The following ZNF804B variants were observed in gnomAD, a reference collection of about 807,000 sequenced individuals.
ZNF804B encodes the protein zinc finger protein 804B, also known as zinc finger 804B.
A neutral mutation model predicts 101.4 loss-of-function variants in ZNF804B; 80 were observed. The observed-to-expected ratio is 0.79, with a 90% CI of 0.66 to 0.95. The LOEUF is 0.95. Among genes scored for constraint, ZNF804B ranks in the 40% least tolerant of loss-of-function variants. The pLI, the probability that ZNF804B is intolerant of heterozygous loss-of-function variation, is 0.00. For missense variants in ZNF804B, 1,673 were observed against 1,561.9 expected, an observed-to-expected ratio of 1.07 and a Z score of -1.20; for synonymous variants, 622 against 558.8, an observed-to-expected ratio of 1.11 and a Z score of -1.59.
chr7:89,180,671 C>G (rs1788284778), intron 1 of ZNF804B, among the ~76,000 whole-genome samples: 1 of 151,782 alleles, frequency 6.6e-6, no homozygotes, highest in Admixed American at 6.6e-5. Flanking sequence ...TTACTCCTCT[C>G]CTTCCTCTGC....
intron 1 of ZNF804B, among the ~76,000 whole-genome samples, chr7:88,962,574 A>T (rs1370525315): frequency 6.6e-6 from 1 of 150,536 alleles, no homozygotes; most frequent in Non-Finnish European, 1.5e-5. Flanking sequence ...TATACCTAAG[A>T]ATTGGGGTCT....
intron 1 of ZNF804B, among the ~76,000 whole-genome samples, chr7:89,066,144 T>C (rs985949088): frequency 6.6e-6 from 1 of 152,172 alleles, no homozygotes; most frequent in African/African-American, 2.4e-5. Context: ...GTTTCAAGCA[T>C]TCAGGGTTCT....
intron 1 of ZNF804B, among the ~76,000 whole-genome samples, chr7:89,164,312 A>G (rs1279047195): frequency 6.6e-6 from 1 of 152,100 alleles, no homozygotes; most frequent in Non-Finnish European, 1.5e-5. Flanking sequence ...AGCCAATTGT[A>G]GTTATACATC....
intron 1 of ZNF804B, among the ~76,000 whole-genome samples, chr7:88,791,017 G>A (rs1790375436): frequency 6.6e-6 from 1 of 151,974 alleles, no homozygotes; most frequent in Admixed American, 6.6e-5. Flanking sequence ...CCCCTTAGAA[G>A]CATTGTCACG....
intron 1 of ZNF804B, among the ~76,000 whole-genome samples, chr7:89,200,793 C>G (rs1208160002): frequency 6.6e-6 from 1 of 151,988 alleles, no homozygotes; most frequent in Non-Finnish European, 1.5e-5. Flanking sequence ...CTGATTCTTT[C>G]CTCCATTCAT....
intron 1 of ZNF804B, among the ~76,000 whole-genome samples, chr7:89,095,997 A>T (rs999702927): frequency 1.0e-4 from 15 of 150,516 alleles, no homozygotes; most frequent in Non-Finnish European, 2.2e-4. Context: ...TAAAAATATA[A>T]AAAAAAAATT....
At chr7:89,164,293 A>C (rs779228985) in intron 1 of ZNF804B, among the ~76,000 whole-genome samples, 1 of 152,068 alleles carries the variant, frequency 6.6e-6, no homozygotes, top group Non-Finnish European at 1.5e-5. Flanking sequence ...TTTGAGAAAC[A>C]CTAAACTCAG....
chr7:89,266,527 G>A lies in ZNF804B; in HGVS notation c.249+48232G>A, dbSNP rs1217544473. On this transcript the variant is annotated intron_variant, in intron 2 of 3. Coordinates refer to ENST00000333190, the MANE Select transcript of ZNF804B (RefSeq NM_181646.5). ...TAAACTATAATATGATTTCCTGTAA[G>A]ATACAGTTTTTCATATAAAAACCAA... Among the ~76,000 whole-genome samples, 5 of 152,168 alleles carry A rather than the reference G, an allele frequency of 3.3e-5. No homozygotes were observed. In the East Asian group the frequency reaches 7.7e-4, roughly 24 times the overall value.
chr7:89,151,036 C>T (rs1055926580), intron 1 of ZNF804B, among the ~76,000 whole-genome samples: 1 of 152,076 alleles, frequency 6.6e-6, no homozygotes, highest in Non-Finnish European at 1.5e-5. Flanking sequence ...ATTAATAGTA[C>T]AGCTCCTATT....
chr7:89,182,119 A>G (rs1395262175), intron 1 of ZNF804B, among the ~76,000 whole-genome samples: 2 of 152,180 alleles, frequency 1.3e-5, no homozygotes, highest in African/African-American at 4.8e-5. Flanking sequence ...TTAAAGTGCT[A>G]TTACAAAGAG....
chr7:88,928,066 C>T (rs1792833201), intron 1 of ZNF804B, among the ~76,000 whole-genome samples: 1 of 152,088 alleles, frequency 6.6e-6, no homozygotes, highest in South Asian at 2.1e-4. Flanking sequence ...TACAGACAGC[C>T]TCCTTAACAT....
At chr7:88,945,083 CT>C (rs1414950332) in intron 1 of ZNF804B, among the ~76,000 whole-genome samples, 2 of 151,962 alleles carry the variant, frequency 1.3e-5, no homozygotes, top group Admixed American at 6.6e-5. Flanking sequence ...TGTGGAAGCT[CT>C]TTAGTTTAAT....
intron 1 of ZNF804B, among the ~76,000 whole-genome samples, chr7:89,089,274 T>C (rs1242088899): frequency 6.6e-6 from 1 of 152,092 alleles, no homozygotes; most frequent in Non-Finnish European, 1.5e-5. Flanking sequence ...ATTCTCTTGA[T>C]GTAACAAGAC....
At chr7:88,917,256 C>A (rs957399547) in intron 1 of ZNF804B, among the ~76,000 whole-genome samples, 17 of 151,920 alleles carry the variant, frequency 1.1e-4, no homozygotes, top group African/African-American at 4.1e-4. Context: ...CAGGATAAGA[C>A]TCTGTCTCAA....
At chr7:89,273,689 T>C (rs1033660966) in intron 2 of ZNF804B, among the ~76,000 whole-genome samples, 4 of 152,146 alleles carry the variant, frequency 2.6e-5, no homozygotes, top group Admixed American at 6.6e-5. Context: ...GTCTAGCACA[T>C]ATTAAGAGCT....
At chr7:89,180,372 A>G (rs1292645589) in intron 1 of ZNF804B, among the ~76,000 whole-genome samples, 1 of 152,046 alleles carries the variant, frequency 6.6e-6, no homozygotes, top group Non-Finnish European at 1.5e-5. Context: ...TTGAAAGACT[A>G]AGTCCTTTTT....
intron 1 of ZNF804B, among the ~76,000 whole-genome samples, chr7:89,167,981 T>A: frequency 6.6e-6 from 1 of 152,150 alleles, no homozygotes. Flanking sequence ...AATATCTATT[T>A]CAACAGAAAT....
intron 1 of ZNF804B, among the ~76,000 whole-genome samples, chr7:88,974,646 ATTAT>A (rs1002945057): frequency 6.6e-6 from 1 of 151,290 alleles, no homozygotes; most frequent in Non-Finnish European, 1.5e-5. Context: ...AAATTTTAAA[ATTAT>A]TTTTAATTTT....
intron 1 of ZNF804B, among the ~76,000 whole-genome samples, chr7:88,991,858 T>A (rs1319406017): frequency 6.6e-6 from 1 of 152,144 alleles, no homozygotes; most frequent in African/African-American, 2.4e-5. Context: ...TACCATGAGG[T>A]CTTTCATTCA....
Sources: allele counts gnomAD v4.1 joint callset (sites outside exome capture counted in the v4.1 genomes callset), GRCh38; gene constraint gnomAD v4.1.1; transcripts MANE v1.5; gene names NCBI Gene and HGNC (gene_info 2026-07-23, HGNC 2026-07-21).